Variants in BABAM2 observed in about 807,000 individuals in gnomAD.
The protein encoded by BABAM2 is BRISC and BRCA1 A complex member 2, also known as BRISC and BRCA1-A complex member 2.
BABAM2 carries 31 observed loss-of-function variants against 54.7 expected under a neutral mutation model. The observed-to-expected ratio is 0.57, with a 90% CI of 0.43 to 0.77. The LOEUF (loss-of-function observed/expected upper bound fraction) is 0.77, where lower values mean the gene tolerates loss of function less well. Ranked by LOEUF, BABAM2 falls within the 30% of genes least tolerant of loss-of-function variation. BABAM2 has a pLI of 0.00. For synonymous variants in BABAM2, 167 were observed against 162.9 expected (o/e 1.03, Z -0.19); for missense variants, 364 against 455.8 (o/e 0.80, Z 1.83).
chr2:28,013,421 A>G, intron 4 of BABAM2: 1 of 455,524 alleles, frequency 2.2e-6, no homozygotes, highest in Non-Finnish European at 4.4e-6. Flanking sequence ...TCAGACTTAA[A>G]ATTTCCTATT....
At chr2:28,173,204 C>A (rs1341510747) in intron 7 of BABAM2, among the ~76,000 whole-genome samples, 2 of 152,134 alleles carry the variant, frequency 1.3e-5, no homozygotes, top group African/African-American at 4.8e-5. Context: ...ATAACACCTC[C>A]CTTGAGTTAG....
At chr2:27,905,910 G>A (rs1666154870) in intron 2 of BABAM2, among the ~76,000 whole-genome samples, 1 of 152,206 alleles carries the variant, frequency 6.6e-6, no homozygotes, top group Non-Finnish European at 1.5e-5. Context: ...TAGAATATTT[G>A]ATTAGGTTGA....
chr2:28,262,141 C>CT (rs1684596453), intron 10 of BABAM2, among the ~76,000 whole-genome samples: 1 of 152,088 alleles, frequency 6.6e-6, no homozygotes, highest in Non-Finnish European at 1.5e-5. Flanking sequence ...GGGAAGAAAT[C>CT]TTAGAGTGGA....
intron 4 of BABAM2, among the ~76,000 whole-genome samples, chr2:28,005,598 C>A (rs576190021): frequency 2.6e-5 from 4 of 152,174 alleles, no homozygotes; most frequent in African/African-American, 9.6e-5. Context: ...TAATTGCATA[C>A]CTTCTTTAAC....
At chr2:27,997,866 TA>T (rs1349463848) in intron 4 of BABAM2, among the ~76,000 whole-genome samples, 1 of 152,032 alleles carries the variant, frequency 6.6e-6, no homozygotes, top group Non-Finnish European at 1.5e-5. Context: ...AGAATATGCT[TA>T]TCCAGGGCCA....
intron 3 of BABAM2, among the ~76,000 whole-genome samples, chr2:27,952,192 T>C (rs1236622101): frequency 1.3e-5 from 2 of 152,244 alleles, no homozygotes; most frequent in African/African-American, 4.8e-5. Flanking sequence ...TTTAACCTAT[T>C]TGTGTCTTTA....
At chr2:27,977,923 T>A (rs533953147) in intron 3 of BABAM2, among the ~76,000 whole-genome samples, 17 of 152,318 alleles carry the variant, frequency 1.1e-4, no homozygotes, top group African/African-American at 4.1e-4. Context: ...TCCCATAAAG[T>A]TCTCAGAACC....
At chr2:28,290,316 CAT>C (rs112080690) in intron 10 of BABAM2, among the ~76,000 whole-genome samples, 2,781 of 152,310 alleles carry the variant, frequency 0.018, 75 homozygotes, top group African/African-American at 0.062. Context: ...TTTTTACACA[CAT>C]GTGGTAGTTT....
At chr2:28,190,545 G>C (rs1676785332) in intron 7 of BABAM2, among the ~76,000 whole-genome samples, 1 of 152,176 alleles carries the variant, frequency 6.6e-6, no homozygotes, top group African/African-American at 2.4e-5. Context: ...AAATTAGCTA[G>C]GCGTGGTGGT....
rs1389694731 is a variant in BABAM2 at position 27,995,827 on chromosome 2, AC to A, written c.300+7742del. On this transcript the variant is annotated intron_variant, in intron 4 of 11. Coordinates refer to ENST00000379624, the MANE Select transcript of BABAM2 (RefSeq NM_199191.3). This position sits in a 1 kb window ranked among gnomAD's most constrained non-coding sequence, Gnocchi z 4.1. ...CATCTCCTGACCTCATGATCTGCCC[AC>A]CTCGGCCTCCCAAAGTGCTGGGATT... Among the ~76,000 whole-genome samples the A allele has an allele frequency of 6.6e-6, 1 of 151,866 alleles. No homozygotes were observed. Among genetic ancestry groups the A allele is most frequent in the Non-Finnish European group, 1.5e-5 (1 of 67,972 alleles).
intron 8 of BABAM2, among the ~76,000 whole-genome samples, chr2:28,240,870 C>CAAAAAAAAA (rs56247120): frequency 9.2e-6 from 1 of 109,156 alleles, no homozygotes; most frequent in Non-Finnish European, 2.0e-5. Context: ...GACTCTGTCT[C>CAAAAAAAAA]AAAAAAAAAA....
At chr2:28,036,460 T>A (rs1676669424) in intron 5 of BABAM2, among the ~76,000 whole-genome samples, 1 of 152,190 alleles carries the variant, frequency 6.6e-6, no homozygotes, top group African/African-American at 2.4e-5. Flanking sequence ...AGGCTTAACC[T>A]AAGCCAAACA....
At chr2:28,170,972 C>T (rs1446855024) in intron 7 of BABAM2, among the ~76,000 whole-genome samples, 1 of 152,186 alleles carries the variant, frequency 6.6e-6, no homozygotes, top group Non-Finnish European at 1.5e-5. Flanking sequence ...CGAGTCCCCT[C>T]GTCTTCCAGT....
chr2:28,026,948 T>A (rs5014226), intron 5 of BABAM2, among the ~76,000 whole-genome samples: 56,639 of 73,182 alleles, frequency 0.77, 21,272 homozygotes, highest in Middle Eastern at 0.86. Context: ...AAATATATAT[T>A]AATATATATA....
At chr2:28,082,145 A>G (rs960477244) in intron 6 of BABAM2, among the ~76,000 whole-genome samples, 1 of 152,228 alleles carries the variant, frequency 6.6e-6, no homozygotes, top group Admixed American at 6.5e-5. Flanking sequence ...AGAACAAGCC[A>G]TTCACCCTGA....
At chr2:28,255,477 GC>G (rs1426459191) in intron 10 of BABAM2, among the ~76,000 whole-genome samples, 1 of 152,080 alleles carries the variant, frequency 6.6e-6, no homozygotes, top group East Asian at 1.9e-4. Context: ...GTTTCACCAT[GC>G]TGGCCAAGCT....
chr2:27,948,616 C>T (rs1047926271), intron 3 of BABAM2, among the ~76,000 whole-genome samples: 4 of 152,064 alleles, frequency 2.6e-5, no homozygotes, highest in Non-Finnish European at 4.4e-5. Flanking sequence ...ACTAAAAATA[C>T]AAAAATCACT....
intron 10 of BABAM2, among the ~76,000 whole-genome samples, chr2:28,248,306 T>C (rs926473809): frequency 6.9e-6 from 1 of 144,996 alleles, no homozygotes; most frequent in Admixed American, 7.3e-5. Flanking sequence ...GCCTCCCAGG[T>C]TCAAGCAATT....
At chr2:28,204,524 A>G (rs74854365) in intron 7 of BABAM2, among the ~76,000 whole-genome samples, 1 of 146,098 alleles carries the variant, frequency 6.8e-6, no homozygotes, top group African/African-American at 2.5e-5. Flanking sequence ...TCTTTGGCCT[A>G]TTTTTTTTTT....
Sources: gnomAD v4.1 joint callset for allele counts (sites outside exome capture counted in the v4.1 genomes callset) on GRCh38, gnomAD v4.1.1 for gene constraint, Gnocchi (gnomAD v3.1) non-coding constraint, MANE v1.5 for transcripts, NCBI Gene and HGNC (gene_info 2026-07-23, HGNC 2026-07-21) for gene names.